FSIP2: variants seen among roughly 807,000 people sequenced by gnomAD.
FSIP2 encodes the protein fibrous sheath-interacting protein 2.
Under a neutral mutation model 510.5 loss-of-function variants are expected in FSIP2, and 367 were observed. The observed-to-expected ratio is 0.72, with a 90% CI of 0.66 to 0.78. The LOEUF is 0.78. FSIP2 is among the 30% of genes least tolerant of loss of function. FSIP2 has a pLI of 0.00. For synonymous variants in FSIP2, 2,601 were observed against 2,732.2 expected, an observed-to-expected ratio of 0.95 and a Z score of 1.50; for missense variants, 7,594 against 7,901.7, an observed-to-expected ratio of 0.96 and a Z score of 1.48.
upstream of FSIP2, chr2:185,738,493 A>T: frequency 9.5e-7 from 1 of 1,047,538 alleles, no homozygotes; most frequent in Middle Eastern, 2.3e-4. Context: ...TAGAATGGGC[A>T]AAAACAATCA....
In FSIP2 at chr2:185,807,009, T is replaced by C. The variant is rs141382557; in HGVS notation, c.17703T>C (p.Ser5901=). ...PPMHKMMRKP[S]SDKIPSIDKT... ...TGCATAAAATGATGAGAAAACCTTC[T>C]TCAGATAAGATACCATCAATTGACA... The change falls in exon 17 of 23, where the codon TCT becomes TCC. Residue 5901 remains serine (S), a synonymous_variant. Transcript: ENST00000424728. 44 of 1,601,964 alleles carry C rather than the reference T, an allele frequency of 2.7e-5. No individual in the cohort carries two copies. The East Asian group carries it at 9.8e-4, about 36-fold the overall frequency.
chr2:185,828,500 A>G (rs888262112), intron 21 of FSIP2, among the ~76,000 whole-genome samples: 14 of 151,816 alleles, frequency 9.2e-5, no homozygotes, highest in African/African-American at 2.9e-4. Context: ...TGTTACTACA[A>G]TCTCCAGAAA....
chr2:185,767,299 C>T (rs1692507967), intron 13 of FSIP2, among the ~76,000 whole-genome samples: 1 of 147,574 alleles, frequency 6.8e-6, no homozygotes, highest in South Asian at 2.1e-4. Context: ...GCACATGTAC[C>T]CTAAAACTTA....
intron 5 of FSIP2, 31 bp from the exon 6 acceptor site, chr2:185,746,638 C>T: frequency 6.9e-7 from 1 of 1,456,260 alleles, no homozygotes; most frequent in Non-Finnish European, 9.0e-7. Flanking sequence ...ACAGCCAATT[C>T]ACCTTTAGCA....
chr2:185,782,603 G>C, intron 13 of FSIP2, 102 bp from the exon 14 acceptor site: 1 of 723,086 alleles, frequency 1.4e-6, no homozygotes, highest in East Asian at 2.7e-5. Context: ...GCCTGTAAAC[G>C]AGGCAGTGAT....
chr2:185,793,156 C>T lies in FSIP2; in HGVS notation c.6020C>T (p.Ala2007Val). The T allele has an allele frequency of 6.5e-7, 1 of 1,533,802 alleles. No homozygotes were observed. Among genetic ancestry groups the T allele is most frequent in the Non-Finnish European group, 8.7e-7 (1 of 1,145,410 alleles). The change falls in exon 16 of 23, where the codon GCT (alanine) becomes GTT (valine). Residue 2007 changes from alanine to valine, a missense_variant. By Grantham distance (64) the Ala-to-Val change is moderately conservative (BLOSUM62 0). Transcript: ENST00000424728. ...TTAAATACTTATGCACTACAAGTGGCTAGAAGAAATTTACAAGGAATCAAA... is the reference window on the plus strand; with the variant it reads ...TTAAATACTTATGCACTACAAGTGGTTAGAAGAAATTTACAAGGAATCAAA... ...SKLNTYALQV[A>V]RRNLQGIKQE...
Position 185,808,312 on chromosome 2 carries a change from TCATC to T in FSIP2, c.19009_19012del (p.Ser6337GlufsTer4). 6.2e-7 allele frequency: 1 copy of T among 1,607,958 alleles called. No homozygotes were observed. Among genetic ancestry groups the T allele is most frequent in the Admixed American group, 1.7e-5 (1 of 58,856 alleles). Reference sequence around the variant, plus strand: ...TGAACTTAAGTCTAAGGAAAAGTCTTCATCCAGAAAAGGTTTGACATTAGATGCC... The same window carrying T: ...TGAACTTAAGTCTAAGGAAAAGTCTTCAGAAAAGGTTTGACATTAGATGCC... On this transcript the variant is annotated frameshift_variant, in exon 17 of 23. Coordinates refer to ENST00000424728, the MANE Select transcript of FSIP2 (RefSeq NM_173651.4). LOFTEE classifies it high-confidence loss of function.
intron 12 of FSIP2, 52 bp from the exon 13 acceptor site, chr2:185,764,450 C>T (rs1692419512): frequency 9.2e-7 from 1 of 1,081,764 alleles, no homozygotes; most frequent in Non-Finnish European, 1.3e-6. Flanking sequence ...ATGTTTGAGT[C>T]CTAAAATTTT....
In FSIP2 at chr2:185,790,998, C is replaced by T. The variant is rs1166278179; in HGVS notation, c.3862C>T (p.Arg1288Ter). Residue 1288 changes from arginine to a stop codon, truncating the protein, a stop_gained, in exon 16 of 23, where the codon CGA becomes TGA. Transcript: ENST00000424728. LOFTEE classifies it high-confidence loss of function. ...KLHMGFKSSL[R>*]SQLSKYTAKI... Reference sequence around the variant, plus strand: ...GCATATGGGCTTCAAATCTTCATTACGATCTCAACTTAGTAAGTACACAGC... The same window carrying T: ...GCATATGGGCTTCAAATCTTCATTATGATCTCAACTTAGTAAGTACACAGC... The T allele has an allele frequency of 6.5e-7, 1 of 1,528,588 alleles. No homozygotes were observed. Among genetic ancestry groups the T allele is most frequent in the Admixed American group, 2.0e-5 (1 of 50,286 alleles). 94.7% of individuals were successfully genotyped at this position (1,528,588 alleles called of 1,614,324 possible). A position where few individuals can be genotyped will look rare whatever the true frequency, so the allele number is the denominator to read the frequency against.
intron 4 of FSIP2, 99 bp from the exon 5 acceptor site, chr2:185,745,330 C>G: frequency 1.5e-6 from 1 of 689,248 alleles, no homozygotes; most frequent in Non-Finnish European, 2.1e-6. Flanking sequence ...TGCAATTAAA[C>G]AGAATTAAGC....
rs1330428927 is a variant in FSIP2, at chr2:185,745,456, A to G, written c.505A>G (p.Ile169Val). 2.6e-6 allele frequency: 4 copies of G among 1,534,116 alleles called. No homozygotes were observed. Among genetic ancestry groups the G allele is most frequent in the African/African-American group, 1.4e-5 (1 of 72,966 alleles). Residue 169 changes from isoleucine (I) to valine (V), a missense_variant, in exon 5 of 23, where the codon ATA (isoleucine) becomes GTA (valine). Physicochemically the swap from Ile to Val is conservative, Grantham distance 29. Transcript: ENST00000424728. ...AATACTTGCAAAACAACTACATAAC[A>G]TACCGGAAAACAATCAAATCCCTCA... ...QRILAKQLHN[I>V]PENNQIPQHC...
Position 185,813,587 on chromosome 2 carries a change from A to G in FSIP2, c.19870A>G (p.Ile6624Val). 1 of 1,555,548 alleles carries G rather than the reference A, an allele frequency of 6.4e-7. No homozygotes were observed. The change falls in exon 18 of 23, where the codon ATT (isoleucine) becomes GTT (valine). Residue 6624 changes from isoleucine (I) to valine (V), a missense_variant. By Grantham distance (29) the Ile-to-Val change is conservative (BLOSUM62 3). Transcript: ENST00000424728. ...NSFQNIRKPD[I>V]TKVELLKDVQ... Reference sequence around the variant, plus strand: ...ATTTCAGAATATAAGAAAGCCTGATATTACAAAGGTGGAGCTCTTAAAAGA... The same window carrying G: ...ATTTCAGAATATAAGAAAGCCTGATGTTACAAAGGTGGAGCTCTTAAAAGA...
chr2:185,767,519 A>G (rs1692513985), intron 13 of FSIP2, among the ~76,000 whole-genome samples: 1 of 152,044 alleles, frequency 6.6e-6, no homozygotes, highest in African/African-American at 2.4e-5. Context: ...TTTATATAAC[A>G]CATATAAATC....
intron 8 of FSIP2, among the ~76,000 whole-genome samples, chr2:185,755,937 G>A (rs1301663372): frequency 1.3e-5 from 2 of 151,466 alleles, no homozygotes; most frequent in African/African-American, 2.4e-5. Flanking sequence ...AGTTGAGCCA[G>A]GTGCAGATTT....
intron 17 of FSIP2, among the ~76,000 whole-genome samples, chr2:185,809,453 A>C (rs1452591007): frequency 6.6e-6 from 1 of 152,102 alleles, no homozygotes; most frequent in Non-Finnish European, 1.5e-5. Flanking sequence ...ATTGTCATTT[A>C]AATATTTAAA....
intron 7 of FSIP2, among the ~76,000 whole-genome samples, chr2:185,749,832 T>A (rs1692107795): frequency 6.6e-6 from 1 of 151,720 alleles, no homozygotes; most frequent in Non-Finnish European, 1.5e-5. Flanking sequence ...ATGAGGAAAT[T>A]TTCTTATATT....
Position 185,802,146 on chromosome 2 carries a change from T to G in FSIP2, c.12840T>G (p.Thr4280=). The G allele has an allele frequency of 6.5e-7, 1 of 1,533,268 alleles. No homozygotes were observed. The allele number at this position is 1,533,268 out of a possible 1,614,324, so 95.0% of individuals were successfully genotyped here. The change falls in exon 17 of 23, where the codon ACT becomes ACG. Residue 4280 remains threonine, a synonymous_variant. Coordinates refer to ENST00000424728, the MANE Select transcript of FSIP2 (RefSeq NM_173651.4). ...GGACTCCACTGGATCCAGTGTCTAC[T>G]ATTGTTACACAGGTTCTGAGTGAAG... ...HPRTPLDPVS[T]IVTQVLSEVI...
intron 7 of FSIP2, among the ~76,000 whole-genome samples, chr2:185,750,151 C>T (rs1352962838): frequency 1.3e-5 from 2 of 151,554 alleles, no homozygotes; most frequent in African/African-American, 2.4e-5. Flanking sequence ...ATTTTGGTAT[C>T]AGGGTAATGC....
intron 11 of FSIP2, among the ~76,000 whole-genome samples, chr2:185,762,909 A>G (rs1176610545): frequency 6.6e-6 from 1 of 151,576 alleles, no homozygotes; most frequent in East Asian, 1.9e-4. Context: ...TGGTTATAGC[A>G]GAAGATTAAG....
Sources: gnomAD v4.1 joint callset for allele counts (sites outside exome capture counted in the v4.1 genomes callset) on GRCh38, gnomAD v4.1.1 for gene constraint, MANE v1.5 for transcripts, NCBI Gene and HGNC (gene_info 2026-07-23, HGNC 2026-07-21) for gene names.